Variants in CPT1A observed in about 807,000 individuals in gnomAD.
CPT1A encodes carnitine O-palmitoyltransferase 1, liver isoform.
CPT1A carries 64 observed loss-of-function variants against 100.8 expected under a neutral mutation model. The ratio of observed to expected loss-of-function variants is 0.63; its 90% CI spans 0.52 to 0.78. The LOEUF (loss-of-function observed/expected upper bound fraction) is 0.78, where lower values mean the gene tolerates loss of function less well. CPT1A is among the 30% of genes least tolerant of loss of function. The probability of loss-of-function intolerance (pLI) is 0.00; values close to 1 mark genes in which losing one functional copy is unlikely to be tolerated. For missense variants in CPT1A, 802 were observed against 1,034.1 expected (o/e 0.78, Z 3.08); for synonymous variants, 363 against 396.0 (o/e 0.92, Z 0.99).
At chr11:68,786,548 G>C (rs545011601) in intron 9 of CPT1A, among the ~76,000 whole-genome samples, 1 of 152,146 alleles carries the variant, frequency 6.6e-6, no homozygotes, top group East Asian at 1.9e-4. Context: ...TGTTTTTTTT[G>C]AGACGGAGTC....
chr11:68,827,471 A>T (rs1172548769), intron 1 of CPT1A, among the ~76,000 whole-genome samples: 1 of 152,198 alleles, frequency 6.6e-6, no homozygotes, highest in African/African-American at 2.4e-5. Flanking sequence ...ACCCTCCTGG[A>T]ATCAACAAAT....
intron 9 of CPT1A, among the ~76,000 whole-genome samples, chr11:68,785,523 T>C (rs1468200740): frequency 1.4e-5 from 2 of 139,848 alleles, no homozygotes; most frequent in Non-Finnish European, 3.0e-5. Context: ...ATCACCCCAC[T>C]GCACTCCAGC....
At position 68,834,946 on chromosome 11, in the gene CPT1A, C is replaced by T. The variant is rs541294126; in HGVS notation, c.-14+6829G>A. 2.7e-3 allele frequency among the ~76,000 whole-genome samples: 410 copies of T among 151,754 alleles called. 1 individual carries two copies. The highest frequency in any genetic ancestry group is 9.4e-3 in the African/African-American group (390 of 41,364). On this transcript the variant is annotated intron_variant, in intron 1 of 18. Coordinates refer to ENST00000265641, the MANE Select transcript of CPT1A (RefSeq NM_001876.4). ...CTGGGGAGGCGGAGGTTGCAGTGAG[C>T]CATGATTGCGCCACTGCACTCCAGC...
chr11:68,768,261 G>C (rs55882729), intron 14 of CPT1A, among the ~76,000 whole-genome samples: 2 of 151,470 alleles, frequency 1.3e-5, no homozygotes, highest in African/African-American at 4.9e-5. Flanking sequence ...ATTTTTAGTA[G>C]AGACGGGGTT....
chr11:68,773,381 T>C lies in CPT1A; in HGVS notation c.1624A>G (p.Asn542Asp), dbSNP rs1241771638. ...GGGAAGGAATGGAAATCCACGTCGT[T>C]TGCCAGAAGATTTGCGGTGTTCAGG... Reference protein sequence around the residue: ...TSLNTANLLANDVDFHSFPFV... With the variant: ...TSLNTANLLADDVDFHSFPFV... The change falls in exon 14 of 19, where the codon AAC becomes GAC. Residue 542 changes from asparagine to aspartate, a missense_variant. This residue lies in a region of CPT1A where 627 missense variants were observed against 799.3 expected (regional missense o/e 0.78). Coordinates refer to ENST00000265641, the MANE Select transcript of CPT1A (RefSeq NM_001876.4). 3.1e-6 allele frequency: 5 copies of C among 1,614,180 alleles called. No individual in the cohort carries two copies. Among genetic ancestry groups the C allele is most frequent in the South Asian group, 1.1e-5 (1 of 91,090 alleles).
intron 4 of CPT1A, among the ~76,000 whole-genome samples, chr11:68,806,561 G>A (rs756517721): frequency 4.0e-5 from 6 of 151,430 alleles, no homozygotes; most frequent in Non-Finnish European, 7.4e-5. Context: ...CTAGGAAGTC[G>A]AGGCTGCAGT....
At chr11:68,835,623 G>A (rs540428720) in intron 1 of CPT1A, among the ~76,000 whole-genome samples, 1 of 151,392 alleles carries the variant, frequency 6.6e-6, no homozygotes, top group African/African-American at 2.4e-5. Flanking sequence ...TGGAATGACA[G>A]GTTCAGACCC....
intron 9 of CPT1A, among the ~76,000 whole-genome samples, chr11:68,786,423 G>T (rs554598758): frequency 6.6e-6 from 1 of 152,150 alleles, no homozygotes. Context: ...GTAGGACTAG[G>T]ACCAACCTAG....
At chr11:68,773,072 G>A (rs1186788243) in intron 14 of CPT1A, among the ~76,000 whole-genome samples, 193 bp downstream of exon 14, 1 of 152,106 alleles carries the variant, frequency 6.6e-6, no homozygotes, top group East Asian at 1.9e-4. Context: ...TGCTGGAGGG[G>A]GATTTGCGAA....
intron 9 of CPT1A, among the ~76,000 whole-genome samples, chr11:68,786,665 A>C (rs1855472097): frequency 1.3e-5 from 2 of 152,306 alleles, no homozygotes; most frequent in South Asian, 4.1e-4. Context: ...AGTAGGTGGC[A>C]TTACAGGCAC....
At chr11:68,810,916 C>T (rs917103219) in intron 3 of CPT1A, among the ~76,000 whole-genome samples, 4 of 151,948 alleles carry the variant, frequency 2.6e-5, no homozygotes, top group Non-Finnish European at 4.4e-5. Context: ...ACCCGGGAGG[C>T]GGAGGTTGCA....
chr11:68,759,119 C>A (rs969849957), intron 18 of CPT1A, among the ~76,000 whole-genome samples: 1 of 151,850 alleles, frequency 6.6e-6, no homozygotes, highest in East Asian at 1.9e-4. Context: ...TTAGGCCAGG[C>A]GCGGTGGCTC....
chr11:68,795,604 G>A (rs1310965636), intron 7 of CPT1A, among the ~76,000 whole-genome samples: 1 of 152,052 alleles, frequency 6.6e-6, no homozygotes, highest in Non-Finnish European at 1.5e-5. Context: ...ATTTTGAAAC[G>A]AAGAAAAACA....
chr11:68,829,225 T>C (rs10896370), intron 1 of CPT1A, among the ~76,000 whole-genome samples: 112,044 of 152,064 alleles, frequency 0.74, 43,764 homozygotes, highest in Non-Finnish European at 0.87. Context: ...GCAACACGTC[T>C]GCTCTACAGC....
rs1459887743 is a variant in CPT1A at position 68,780,716 on chromosome 11, A to C, written c.1382T>G (p.Val461Gly). 1 of 1,614,254 alleles carries C rather than the reference A, an allele frequency of 6.2e-7. No homozygotes were observed. The highest frequency in any genetic ancestry group is 1.7e-5 in the Admixed American group (1 of 60,036). Residue 461 changes from valine to glycine, a missense_variant, in exon 12 of 19, where the codon GTC becomes GGC. By Grantham distance (109) the Val-to-Gly change is moderately radical (BLOSUM62 -3). Around this residue, in one of 4 missense-constraint regions of CPT1A, gnomAD observed 627 missense variants for 799.3 expected, o/e 0.78. Coordinates refer to ENST00000265641, the MANE Select transcript of CPT1A (RefSeq NM_001876.4). ...GAGGCCCATCTTCCCGTTTTTGAAG[A>C]CAACAAACGTGAACGACTTGTCAAA... ...RWFDKSFTFVVFKNGKMGLNA... is the reference protein window; with the variant it reads ...RWFDKSFTFVGFKNGKMGLNA...
chr11:68,770,989 G>A (rs1321163952), intron 14 of CPT1A, among the ~76,000 whole-genome samples: 2 of 152,206 alleles, frequency 1.3e-5, no homozygotes, highest in African/African-American at 4.8e-5. Context: ...GCCTTCCTCG[G>A]GGCCGTCCTG....
intron 1 of CPT1A, among the ~76,000 whole-genome samples, chr11:68,815,947 A>C (rs1237549164): frequency 7.1e-6 from 1 of 140,646 alleles, no homozygotes; most frequent in African/African-American, 2.8e-5. Flanking sequence ...CTGGCCCTGG[A>C]CATTCCCGGG....
At chr11:68,820,298 C>T (rs559339835) in intron 1 of CPT1A, among the ~76,000 whole-genome samples, 28 of 152,086 alleles carry the variant, frequency 1.8e-4, no homozygotes, top group Non-Finnish European at 3.2e-4. Context: ...TCCCAAAGTA[C>T]CGGGATTACA....
chr11:68,805,550 G>T (rs941331162), intron 4 of CPT1A, among the ~76,000 whole-genome samples: 1 of 152,130 alleles, frequency 6.6e-6, no homozygotes, highest in African/African-American at 2.4e-5. Flanking sequence ...CTCCCCCAGA[G>T]GTTGGGACAG....
Sources: gnomAD v4.1 joint callset for allele counts (sites outside exome capture counted in the v4.1 genomes callset) on GRCh38, gnomAD v4.1.1 for gene constraint, gnomAD v4.1.1 regional missense constraint, MANE v1.5 for transcripts, NCBI Gene and HGNC (gene_info 2026-07-23, HGNC 2026-07-21) for gene names.